ROBO2: variants seen among roughly 807,000 people sequenced by gnomAD.
ROBO2 encodes roundabout guidance receptor 2, also known as roundabout homolog 2.
In ROBO2, 53 loss-of-function variants were observed where a neutral mutation model predicts 160.8. The observed-to-expected ratio is 0.33, with a 90% CI of 0.26 to 0.41. The LOEUF (loss-of-function observed/expected upper bound fraction) is 0.41, where lower values mean the gene tolerates loss of function less well. Ranked by LOEUF, ROBO2 falls within the 10% of genes least tolerant of loss-of-function variation. ROBO2 has a pLI of 1.00. For missense variants in ROBO2, 1,577 were observed against 1,722.4 expected (o/e 0.92, Z 1.49); for synonymous variants, 664 against 611.7 (o/e 1.09, Z -1.26).
At chr3:76,850,578 T>C (rs551370455) in intron 2 of ROBO2, among the ~76,000 whole-genome samples, 94 of 152,298 alleles carry the variant, frequency 6.2e-4, no homozygotes, top group African/African-American at 2.2e-3. Context: ...GAATAAGTTC[T>C]AGTGCCCACA....
chr3:76,466,948 G>A (rs1348145473), intron 2 of ROBO2, among the ~76,000 whole-genome samples: 1 of 152,012 alleles, frequency 6.6e-6, no homozygotes, highest in African/African-American at 2.4e-5. Flanking sequence ...CAAGCATCAT[G>A]CTGACATGTC....
At chr3:75,962,580 G>A (rs184093257) in intron 2 of ROBO2, among the ~76,000 whole-genome samples, 22 of 151,678 alleles carry the variant, frequency 1.5e-4, no homozygotes, top group African/African-American at 4.6e-4. Context: ...CTTTGCCTCC[G>A]ATATAACTGG....
chr3:76,976,328 A>G (rs1365890755), intron 2 of ROBO2, among the ~76,000 whole-genome samples: 1 of 152,158 alleles, frequency 6.6e-6, no homozygotes, highest in Non-Finnish European at 1.5e-5. Flanking sequence ...CTATGAAATA[A>G]CCTTTTCAGA....
chr3:76,961,491 C>T (rs2079659896), intron 2 of ROBO2, among the ~76,000 whole-genome samples: 1 of 151,990 alleles, frequency 6.6e-6, no homozygotes. Context: ...ATGTGTTTCT[C>T]CCCACATTAA....
At chr3:77,007,926 A>G (rs2061666884) in intron 2 of ROBO2, among the ~76,000 whole-genome samples, 1 of 152,046 alleles carries the variant, frequency 6.6e-6, no homozygotes. Flanking sequence ...CAATATTGTT[A>G]TTTTAAATGA....
chr3:76,833,224 C>T (rs1035144465), intron 2 of ROBO2, among the ~76,000 whole-genome samples: 1 of 152,022 alleles, frequency 6.6e-6, no homozygotes, highest in African/African-American at 2.4e-5. Context: ...CCCCTTAGGC[C>T]TGGTTATATA....
At chr3:77,216,285 C>T (rs2151149649) in intron 2 of ROBO2, among the ~76,000 whole-genome samples, 1 of 152,278 alleles carries the variant, frequency 6.6e-6, no homozygotes, top group African/African-American at 2.4e-5. Flanking sequence ...GCGGGCGCCC[C>T]TCCCCCAGCC....
intron 2 of ROBO2, among the ~76,000 whole-genome samples, chr3:77,287,388 C>A (rs574055333): frequency 6.6e-6 from 1 of 152,156 alleles, no homozygotes; most frequent in South Asian, 2.1e-4. Flanking sequence ...ACTTATAACC[C>A]CCTATTCTTT....
chr3:76,535,927 G>A (rs2082472370), intron 2 of ROBO2, among the ~76,000 whole-genome samples: 1 of 152,172 alleles, frequency 6.6e-6, no homozygotes, highest in South Asian at 2.1e-4. Context: ...CCTAAACTGG[G>A]GAGATCTGGG....
intron 2 of ROBO2, among the ~76,000 whole-genome samples, chr3:77,389,826 G>A (rs1188230647): frequency 1.3e-5 from 2 of 151,992 alleles, no homozygotes; most frequent in Non-Finnish European, 2.9e-5. Flanking sequence ...ATTTAGGAGT[G>A]TGTCTGTTTT....
chr3:77,194,494 A>T (rs576843876), intron 2 of ROBO2, among the ~76,000 whole-genome samples: 1 of 152,162 alleles, frequency 6.6e-6, no homozygotes, highest in Non-Finnish European at 1.5e-5. Flanking sequence ...TGTATTTAAG[A>T]TTTATTTTAG....
chr3:76,127,894 C>CTTTTT lies in ROBO2; in HGVS notation c.109+190307_109+190311dup, dbSNP rs10691388. ...GAACTGTATGTTCTTGAAGACATTT[C>CTTTTT]TTTTTTTTTTTTTTTTTTTGAGACG... On this transcript the variant is annotated intron_variant, in intron 2 of 26. Transcript: ENST00000487694. 5.8e-4 allele frequency among the ~76,000 whole-genome samples: 68 copies of CTTTTT among 117,598 alleles called. 2 individuals are homozygous for CTTTTT. The highest frequency in any genetic ancestry group is 7.5e-4 in the Non-Finnish European group (46 of 61,048). 77.1% of individuals were successfully genotyped at this position (117,598 alleles called of 152,430 possible). A position where few individuals can be genotyped will look rare whatever the true frequency, so the allele number is the denominator to read the frequency against.
intron 3 of ROBO2, among the ~76,000 whole-genome samples, chr3:77,479,189 G>T (rs756626729): frequency 1.1e-4 from 17 of 152,124 alleles, no homozygotes; most frequent in Middle Eastern, 6.8e-3. Context: ...GGAAGGTGAG[G>T]GGCAGAACTG....
chr3:76,045,126 ACTC>A (rs1457375862), intron 2 of ROBO2, among the ~76,000 whole-genome samples: 4 of 151,452 alleles, frequency 2.6e-5, no homozygotes, highest in African/African-American at 9.7e-5. Flanking sequence ...GTTTTTATAA[ACTC>A]CTGTTACATT....
At chr3:77,526,099 T>C (rs1000203577) in intron 6 of ROBO2, among the ~76,000 whole-genome samples, 1 of 151,410 alleles carries the variant, frequency 6.6e-6, no homozygotes, top group Non-Finnish European at 1.5e-5. Context: ...CCTCTGGCTA[T>C]AGCAAACACA....
chr3:77,150,933 G>A (rs2077501370), intron 2 of ROBO2, among the ~76,000 whole-genome samples: 1 of 152,006 alleles, frequency 6.6e-6, no homozygotes, highest in Admixed American at 6.6e-5. Flanking sequence ...ATTAACTTTA[G>A]GAACAGATGC....
intron 2 of ROBO2, among the ~76,000 whole-genome samples, chr3:76,725,378 T>C (rs964261970): frequency 3.3e-5 from 5 of 152,178 alleles, no homozygotes; most frequent in Non-Finnish European, 7.3e-5. Flanking sequence ...CTTCTAGAAT[T>C]GGCTCTGTGG....
intron 2 of ROBO2, among the ~76,000 whole-genome samples, chr3:77,457,739 A>G (rs2081823863): frequency 6.6e-6 from 1 of 152,112 alleles, no homozygotes; most frequent in Non-Finnish European, 1.5e-5. Flanking sequence ...TATCTAAGCT[A>G]ATGAATTTAA....
intron 4 of ROBO2, among the ~76,000 whole-genome samples, chr3:77,486,744 G>A (rs2085408416): frequency 6.6e-6 from 1 of 151,962 alleles, no homozygotes; most frequent in Non-Finnish European, 1.5e-5. Flanking sequence ...TTCTTTTGCT[G>A]TATCACAGAA....
Sources: allele counts gnomAD v4.1 joint callset (sites outside exome capture counted in the v4.1 genomes callset), GRCh38; gene constraint gnomAD v4.1.1; transcripts MANE v1.5; gene names NCBI Gene and HGNC (gene_info 2026-07-23, HGNC 2026-07-21).